ZNF385D: variants seen among roughly 807,000 people sequenced by gnomAD.
ZNF385D encodes the protein zinc finger protein 385D.
Under a neutral mutation model 35.8 loss-of-function variants are expected in ZNF385D, and 15 were observed. The observed-to-expected ratio is 0.42, with a 90% CI of 0.28 to 0.64. ZNF385D has a LOEUF of 0.64. Among genes scored for constraint, ZNF385D ranks in the 30% least tolerant of loss-of-function variants. The pLI is 0.23. For synonymous variants in ZNF385D, 212 were observed against 186.8 expected, an observed-to-expected ratio of 1.13 and a Z score of -1.10; for missense variants, 474 against 494.6, an observed-to-expected ratio of 0.96 and a Z score of 0.39.
At chr3:22,282,510 G>A (rs936318717) in intron 2 of ZNF385D, among the ~76,000 whole-genome samples, 1 of 151,918 alleles carries the variant, frequency 6.6e-6, no homozygotes, top group Non-Finnish European at 1.5e-5. Flanking sequence ...TCAGGAGCAG[G>A]TTATTTAATT....
At chr3:21,885,832 G>C (rs187651695) in intron 3 of ZNF385D, among the ~76,000 whole-genome samples, 99 of 150,828 alleles carry the variant, frequency 6.6e-4, no homozygotes, top group African/African-American at 2.3e-3. Context: ...AACTGTGAAG[G>C]CTCTGTGAGT....
chr3:21,863,552 A>G (rs963750400), intron 3 of ZNF385D, among the ~76,000 whole-genome samples: 3 of 152,152 alleles, frequency 2.0e-5, no homozygotes, highest in African/African-American at 4.8e-5. Flanking sequence ...TTTTAAACCT[A>G]TGTTTCCCAG....
intron 2 of ZNF385D, among the ~76,000 whole-genome samples, chr3:22,337,198 A>C (rs1307684519): frequency 1.3e-5 from 2 of 152,054 alleles, no homozygotes; most frequent in Non-Finnish European, 1.5e-5. Flanking sequence ...TATGCTCATT[A>C]TAAGAATGGA....
intron 2 of ZNF385D, among the ~76,000 whole-genome samples, chr3:21,571,961 T>TTTAG (rs2063348296): frequency 6.6e-6 from 1 of 151,748 alleles, no homozygotes; most frequent in Non-Finnish European, 1.5e-5. Context: ...CCGTCCATAG[T>TTTAG]TTTTTTGTGG....
chr3:21,764,654 C>T (rs1314704016), intron 3 of ZNF385D, among the ~76,000 whole-genome samples: 3 of 152,100 alleles, frequency 2.0e-5, no homozygotes, highest in Non-Finnish European at 2.9e-5. Context: ...GTCATGGAAG[C>T]TGAGCATTGA....
Position 22,099,501 on chromosome 3 carries a change from G to A in ZNF385D, c.325+69316C>T, listed in dbSNP as rs139412852. Reference sequence around the variant, plus strand: ...CTTGCTATAAAGACTGAGAAACAAGGATAACTAGATTTATCCAGAGAGAAT... The same window carrying A: ...CTTGCTATAAAGACTGAGAAACAAGAATAACTAGATTTATCCAGAGAGAAT... On this transcript the variant is annotated intron_variant, in intron 3 of 5. Transcript: ENST00000494108. 6.0e-3 allele frequency among the ~76,000 whole-genome samples: 912 copies of A among 152,192 alleles called. 7 individuals carry two copies. Among genetic ancestry groups the A allele is most frequent in the Admixed American group, 9.2e-3 (141 of 15,260 alleles).
At chr3:22,089,785 A>G (rs1317863475) in intron 3 of ZNF385D, among the ~76,000 whole-genome samples, 1 of 152,124 alleles carries the variant, frequency 6.6e-6, no homozygotes, top group Non-Finnish European at 1.5e-5. Flanking sequence ...AGTCTTTATT[A>G]TGACTAACAA....
In ZNF385D at chr3:21,984,793, C is replaced by T. The variant is rs1265162299; in HGVS notation, c.325+184024G>A. ...TTTCACGATATTGATTCTTCCTACC[C>T]ATGAGCATGGAATGTTCTTCCATTT... On this transcript the variant is annotated intron_variant, in intron 3 of 5. Transcript: ENST00000494108. Among the ~76,000 whole-genome samples, 97 of 121,482 alleles carry T rather than the reference C, an allele frequency of 8.0e-4. 1 individual carries two copies. Among genetic ancestry groups the T allele is most frequent in the Non-Finnish European group, 1.6e-3 (87 of 55,726 alleles). 79.7% of individuals were successfully genotyped at this position (121,482 alleles called of 152,430 possible). A position where few individuals can be genotyped will look rare whatever the true frequency, so the allele number is the denominator to read the frequency against.
At chr3:22,070,580 G>A (rs555705890) in intron 3 of ZNF385D, among the ~76,000 whole-genome samples, 1 of 152,178 alleles carries the variant, frequency 6.6e-6, no homozygotes, top group Non-Finnish European at 1.5e-5. Context: ...ATAAAAGGAT[G>A]AAACTATTTT....
chr3:21,642,853 C>G (rs57131452), intron 2 of ZNF385D, among the ~76,000 whole-genome samples: 31 of 152,148 alleles, frequency 2.0e-4, no homozygotes, highest in African/African-American at 7.0e-4. Flanking sequence ...AAAGGACAAA[C>G]ACTGTATAAC....
intron 3 of ZNF385D, among the ~76,000 whole-genome samples, chr3:22,156,284 G>T (rs1181601990): frequency 6.6e-6 from 1 of 152,002 alleles, no homozygotes. Flanking sequence ...TTGGAATAAA[G>T]TATACATACT....
intron 4 of ZNF385D, among the ~76,000 whole-genome samples, chr3:21,446,536 C>T (rs1156624234): frequency 8.2e-6 from 1 of 121,674 alleles, no homozygotes; most frequent in Non-Finnish European, 1.6e-5. Flanking sequence ...CTCTATCATG[C>T]AGGCTGGAGT....
At chr3:21,692,927 T>C (rs2067331661) in intron 1 of ZNF385D, among the ~76,000 whole-genome samples, 1 of 152,222 alleles carries the variant, frequency 6.6e-6, no homozygotes, top group Non-Finnish European at 1.5e-5. Context: ...TCCTCCAATA[T>C]ACTGCTCACT....
intron 3 of ZNF385D, among the ~76,000 whole-genome samples, chr3:21,926,931 A>G (rs1017485206): frequency 1.4e-4 from 21 of 152,158 alleles, no homozygotes; most frequent in African/African-American, 4.8e-4. Flanking sequence ...CAGAATCTAC[A>G]AAGAACTGTC....
intron 3 of ZNF385D, among the ~76,000 whole-genome samples, chr3:21,532,800 A>G (rs1015998870): frequency 6.6e-6 from 1 of 152,132 alleles, no homozygotes; most frequent in Non-Finnish European, 1.5e-5. Context: ...CTAAATGCCT[A>G]TGATGGCCAA....
At chr3:21,633,386 G>A (rs778863146) in intron 2 of ZNF385D, among the ~76,000 whole-genome samples, 4 of 151,944 alleles carry the variant, frequency 2.6e-5, no homozygotes, top group African/African-American at 9.7e-5. Context: ...ACTAATTATA[G>A]TAGCACCTAT....
At position 22,016,865 on chromosome 3, in the gene ZNF385D, C is replaced by T. The variant is rs145738099; in HGVS notation, c.325+151952G>A. On this transcript the variant is annotated intron_variant, in intron 3 of 5. Coordinates refer to the ZNF385D transcript ENST00000494108. ...TCTATAAGTGGCAAATTGTAAAACG[C>T]TAAGATCTAATAAAAGTTTATTGAA... Among the ~76,000 whole-genome samples, 206 of 152,058 alleles carry T rather than the reference C, an allele frequency of 1.4e-3. 1 individual carries two copies. The highest frequency in any genetic ancestry group is 4.8e-3 in the African/African-American group (198 of 41,508).
intron 2 of ZNF385D, among the ~76,000 whole-genome samples, chr3:22,230,079 T>C (rs1262258468): frequency 6.6e-6 from 1 of 152,208 alleles, no homozygotes; most frequent in Non-Finnish European, 1.5e-5. Flanking sequence ...GTAAAAATCC[T>C]TGTTAGTCCT....
Position 21,702,943 on chromosome 3 carries a change from G to T in ZNF385D, c.23-37915C>A, listed in dbSNP as rs146194026. The stretch of plus-strand genomic sequence containing the variant: ...AAGCCATTCAACAAGTCTCTAGGAA[G>T]TTCCAAACTTTCCTACTTTTCTATA... On this transcript the variant is annotated intron_variant, in intron 1 of 7. Transcript: ENST00000281523. Among the ~76,000 whole-genome samples, 1,390 of 152,218 alleles carry T rather than the reference G, an allele frequency of 9.1e-3. 20 individuals are homozygous for T. Among genetic ancestry groups the T allele is most frequent in the African/African-American group, 0.031 (1,305 of 41,524 alleles).
Sources: allele counts gnomAD v4.1 joint callset (sites outside exome capture counted in the v4.1 genomes callset), GRCh38; gene constraint gnomAD v4.1.1; transcripts MANE v1.5; gene names NCBI Gene and HGNC (gene_info 2026-07-23, HGNC 2026-07-21).